Variants in BBOF1 observed in about 807,000 individuals in gnomAD.
BBOF1 encodes basal body orientation factor 1.
In BBOF1, 62 loss-of-function variants were observed where a neutral mutation model predicts 68.0. The ratio of observed to expected loss-of-function variants is 0.91; its 90% CI spans 0.74 to 1.13. The LOEUF is 1.13. BBOF1 is among the 50% of genes most tolerant of loss of function. The pLI is 0.00. For synonymous variants in BBOF1, 208 were observed against 198.8 expected, an observed-to-expected ratio of 1.05 and a Z score of -0.39; for missense variants, 534 against 600.1, an observed-to-expected ratio of 0.89 and a Z score of 1.15.
At chr14:74,020,243 A>AT (rs11287731) in intron 1 of BBOF1, among the ~76,000 whole-genome samples, 109 of 150,492 alleles carry the variant, frequency 7.2e-4, no homozygotes, top group South Asian at 1.7e-3. Flanking sequence ...CTTTTATGGT[A>AT]TTTTTTTTTT....
At chr14:74,068,685 G>A (rs1179418361), downstream of BBOF1, among the ~76,000 whole-genome samples, 2 of 152,170 alleles carry the variant, frequency 1.3e-5, no homozygotes, top group Non-Finnish European at 2.9e-5. Flanking sequence ...AGAGGTTGCA[G>A]TGAGCCGAGA....
chr14:74,079,431 T>G (rs1010869241), intron 10 of BBOF1, among the ~76,000 whole-genome samples: 2 of 88,284 alleles, frequency 2.3e-5, no homozygotes, highest in Non-Finnish European at 4.5e-5. Context: ...TTCTTATTGT[T>G]TTTTTTTTTT....
intron 2 of BBOF1, among the ~76,000 whole-genome samples, chr14:74,023,586 A>T (rs577930239): frequency 1.3e-5 from 2 of 152,110 alleles, no homozygotes; most frequent in African/African-American, 2.4e-5. Context: ...GTACCTTATT[A>T]AAGTGTTGAG....
Position 74,035,931 on chromosome 14 carries a change from G to A in BBOF1, c.495+1760G>A, listed in dbSNP as rs557987600. ...TCCTTAAGTCTGGCCCACATTCCTA[G>A]CAGTGGGGAATTAGATACCATCATT... On this transcript the variant is annotated intron_variant, in intron 4 of 11. Coordinates refer to ENST00000394009, the MANE Select transcript of BBOF1 (RefSeq NM_025057.3). Among the ~76,000 whole-genome samples the A allele has an allele frequency of 8.5e-5, 13 of 152,158 alleles. 1 individual carries two copies. Among genetic ancestry groups the A allele is most frequent in the African/African-American group, 3.1e-4 (13 of 41,524 alleles).
At chr14:74,030,933 T>TAG (rs563665358) in intron 3 of BBOF1, among the ~76,000 whole-genome samples, 3,457 of 147,168 alleles carry the variant, frequency 0.023, 56 homozygotes, top group Middle Eastern at 0.055. Context: ...TATATATATA[T>TAG]ATATATAGAG....
intron 9 of BBOF1, chr14:74,072,436 GGCACTATGTGCTTTACAACAGACACCC>G: frequency 6.2e-7 from 1 of 1,613,166 alleles, no homozygotes; most frequent in Non-Finnish European, 8.5e-7. Context: ...TCACAGAAGT[GGCACTATGTGCTTTACAACAGACACCC>G]AGGTCCCTTC....
At chr14:74,057,445 T>C in intron 11 of BBOF1, 187 bp downstream of exon 11, 1 of 1,476,928 alleles carries the variant, frequency 6.8e-7, no homozygotes, top group East Asian at 2.5e-5. Context: ...CATATTATAC[T>C]AATGCAAATG....
intron 6 of BBOF1, 148 bp from the exon 7 acceptor site, chr14:74,047,782 C>A: frequency 1.7e-6 from 1 of 585,546 alleles, no homozygotes; most frequent in Non-Finnish European, 2.8e-6. Flanking sequence ...ACAAGATTCC[C>A]ACATAACTAC....
downstream of BBOF1, chr14:74,067,635 G>T: frequency 6.4e-7 from 1 of 1,551,310 alleles, no homozygotes. Context: ...AAGAAATTAA[G>T]CAGTGGACCA....
At chr14:74,037,226 G>A (rs145043648) in intron 4 of BBOF1, among the ~76,000 whole-genome samples, 3,424 of 146,652 alleles carry the variant, frequency 0.023, 48 homozygotes, top group Non-Finnish European at 0.033. Flanking sequence ...GCCCACCTCG[G>A]CCTCCCAAAG....
intron 11 of BBOF1, 69 bp from the exon 12 acceptor site, chr14:74,064,619 T>C: frequency 6.7e-7 from 1 of 1,485,668 alleles, no homozygotes; most frequent in Non-Finnish European, 9.4e-7. Flanking sequence ...CCTCAAAACT[T>C]TGTTGCTTTG....
intron 11 of BBOF1, among the ~76,000 whole-genome samples, chr14:74,063,294 C>A (rs1353004438): frequency 6.6e-6 from 1 of 151,342 alleles, no homozygotes; most frequent in African/African-American, 2.4e-5. Context: ...TCAAAGGATT[C>A]TTCTGCCTCA....
At chr14:74,069,993 A>G (rs1158945911), downstream of BBOF1, among the ~76,000 whole-genome samples, 1 of 151,066 alleles carries the variant, frequency 6.6e-6, no homozygotes, top group African/African-American at 2.4e-5. Context: ...ACATGCCACC[A>G]TTCCTGGCTA....
intron 9 of BBOF1, among the ~76,000 whole-genome samples, chr14:74,056,124 C>T (rs1245828331): frequency 6.6e-6 from 1 of 151,630 alleles, no homozygotes; most frequent in Non-Finnish European, 1.5e-5. Context: ...CTCCACTTCC[C>T]AGGTGCAAGT....
chr14:74,062,429 C>T (rs2060367115), intron 11 of BBOF1, among the ~76,000 whole-genome samples: 1 of 152,036 alleles, frequency 6.6e-6, no homozygotes, highest in Admixed American at 6.6e-5. Flanking sequence ...TGGCGAAACC[C>T]CGTCTCTACT....
At chr14:74,029,118 A>G (rs1484264536) in intron 2 of BBOF1, 66 bp from the exon 3 acceptor site, 2 of 979,530 alleles carry the variant, frequency 2.0e-6, no homozygotes, top group African/African-American at 3.2e-5. Flanking sequence ...AAACTAGTCT[A>G]CTTAATAAAG....
At chr14:74,029,634 A>G (rs2059518175) in intron 3 of BBOF1, among the ~76,000 whole-genome samples, 1 of 151,678 alleles carries the variant, frequency 6.6e-6, no homozygotes, top group Non-Finnish European at 1.5e-5. Context: ...GTGAGCCAAG[A>G]TCGCACCATT....
intron 9 of BBOF1, among the ~76,000 whole-genome samples, chr14:74,055,918 A>C (rs1466930645): frequency 1.3e-5 from 2 of 152,222 alleles, no homozygotes; most frequent in Non-Finnish European, 2.9e-5. Flanking sequence ...GGAAAGATTC[A>C]TCTTAGATGT....
At chr14:74,021,724 G>A (rs371051900) in intron 1 of BBOF1, among the ~76,000 whole-genome samples, 1 of 152,144 alleles carries the variant, frequency 6.6e-6, no homozygotes, top group Admixed American at 6.6e-5. Flanking sequence ...TGGCTAACAC[G>A]GTGAAACCCC....
Sources: gnomAD v4.1 joint callset for allele counts (sites outside exome capture counted in the v4.1 genomes callset) on GRCh38, gnomAD v4.1.1 for gene constraint, MANE v1.5 for transcripts, NCBI Gene and HGNC (gene_info 2026-07-23, HGNC 2026-07-21) for gene names.